The following KIF11 variants were observed in gnomAD, a reference collection of about 807,000 sequenced individuals.
KIF11 encodes the protein kinesin-like protein KIF11.
Under a neutral mutation model 121.0 loss-of-function variants are expected in KIF11, and 9 were observed. That is an observed-to-expected ratio of 0.07 (90% CI 0.04 to 0.13). The LOEUF is 0.13. Among genes scored for constraint, KIF11 ranks in the 10% least tolerant of loss-of-function variants. The pLI, the probability that KIF11 is intolerant of heterozygous loss-of-function variation, is 1.00. For synonymous variants in KIF11, 408 were observed against 421.0 expected (o/e 0.97, Z 0.38); for missense variants, 846 against 1,217.5 (o/e 0.69, Z 4.54).
chr10:92,602,946 C>G (rs1844390021), intron 1 of KIF11, among the ~76,000 whole-genome samples: 1 of 151,516 alleles, frequency 6.6e-6, no homozygotes, highest in African/African-American at 2.4e-5. Flanking sequence ...ACCTCTGCCT[C>G]CCGGTTCAAG....
intron 14 of KIF11, 75 bp from the exon 15 acceptor site, chr10:92,637,109 A>T (rs1844811719): frequency 1.8e-6 from 2 of 1,120,498 alleles, no homozygotes; most frequent in Non-Finnish European, 2.5e-6. Flanking sequence ...CAAAGTATTT[A>T]AGATATCATT....
intron 8 of KIF11, 133 bp from the exon 9 acceptor site, chr10:92,616,604 T>C: frequency 2.0e-6 from 1 of 506,280 alleles, no homozygotes; most frequent in Non-Finnish European, 3.4e-6. Flanking sequence ...CATAGTGGTC[T>C]TAATGACTAG....
intron 16 of KIF11, among the ~76,000 whole-genome samples, chr10:92,638,134 G>A (rs565617388): frequency 6.6e-6 from 1 of 152,042 alleles, no homozygotes; most frequent in Non-Finnish European, 1.5e-5. Flanking sequence ...ACAGCTTCTG[G>A]TATTCTTAAG....
At chr10:92,623,880 T>C (rs1353365647) in intron 10 of KIF11, among the ~76,000 whole-genome samples, 1 of 152,136 alleles carries the variant, frequency 6.6e-6, no homozygotes, top group Non-Finnish European at 1.5e-5. Context: ...AATATGGTGT[T>C]TGCTCTCTTT....
At chr10:92,638,278 C>T (rs1454812170) in intron 16 of KIF11, among the ~76,000 whole-genome samples, 2 of 152,098 alleles carry the variant, frequency 1.3e-5, no homozygotes, top group Non-Finnish European at 2.9e-5. Flanking sequence ...AATTCTATTA[C>T]TAGTCAGATT....
intron 9 of KIF11, among the ~76,000 whole-genome samples, chr10:92,620,165 T>C (rs1406366738): frequency 6.6e-6 from 1 of 151,152 alleles, no homozygotes; most frequent in African/African-American, 2.4e-5. Context: ...ACTGCAAGCT[T>C]CACCTCCTGG....
chr10:92,651,510 T>G (rs866878817), intron 21 of KIF11, among the ~76,000 whole-genome samples: 1 of 36,546 alleles, frequency 2.7e-5, no homozygotes, highest in Non-Finnish European at 4.7e-5. Context: ...TAATTTTGTT[T>G]TTTTTTTTTT....
In KIF11 at chr10:92,616,723, C is replaced by T. The variant is rs772737539; in HGVS notation, c.1033-14C>T. 3 of 1,444,300 alleles carry T rather than the reference C, an allele frequency of 2.1e-6. 1 individual carries two copies. The South Asian group carries it at 3.5e-5, about 17-fold the overall frequency. The allele number at this position is 1,444,300 out of a possible 1,614,324, so 89.5% of individuals were successfully genotyped here. On this transcript the variant is annotated splice_polypyrimidine_tract_variant and intron_variant, in intron 8 of 21. Transcript: ENST00000260731. ...ACAATATCTTCAGTAATTGACCTTT[C>T]CTTTCCATGACAGGAAACTCTGAGT...
At position 92,632,565 on chromosome 10, in the gene KIF11, A is replaced by G; in HGVS notation, c.1574A>G (p.Gln525Arg). 1 of 1,613,764 alleles carries G rather than the reference A, an allele frequency of 6.2e-7. No homozygotes were observed. The highest frequency in any genetic ancestry group is 8.5e-7 in the Non-Finnish European group (1 of 1,179,640). ...SKLDRKKAVD[Q>R]HNAEAQDIFG... is the part of the protein sequence containing the mutation. Reference sequence around the variant, plus strand: ...CTGGATCGTAAGAAGGCAGTTGACCAACACAATGCAGAAGCTCAGGATATT... The same window carrying G: ...CTGGATCGTAAGAAGGCAGTTGACCGACACAATGCAGAAGCTCAGGATATT... The change falls in exon 13 of 22, where the codon CAA becomes CGA. Residue 525 changes from glutamine (Q) to arginine (R), a missense_variant. By Grantham distance (43) the Gln-to-Arg change is conservative (BLOSUM62 1). Transcript: ENST00000260731.
chr10:92,628,256 G>C (rs1004465264), intron 10 of KIF11, among the ~76,000 whole-genome samples: 2 of 152,170 alleles, frequency 1.3e-5, no homozygotes, highest in African/African-American at 2.4e-5. Context: ...TGAGGGTTAT[G>C]CGGTGGGGTG....
In KIF11 at chr10:92,645,628, C is replaced by T; in HGVS notation, c.2533C>T (p.His845Tyr). The T allele has an allele frequency of 1.9e-6, 3 of 1,594,550 alleles. No homozygotes were observed. The highest frequency in any genetic ancestry group is 2.6e-6 in the Non-Finnish European group (3 of 1,170,962). ...CTTAAATGAAAGGGAACAGGAACTT[C>T]ACAACTTATTGGAGGTAATAACTTT... The part of the protein sequence containing the change: ...SSLNEREQEL[H>Y]NLLEVVSQCC... Residue 845 changes from histidine to tyrosine, a missense_variant, in exon 18 of 22, where the codon CAC becomes TAC. This residue lies in a region of KIF11 where 492 missense variants were observed against 603.4 expected (regional missense o/e 0.82). Coordinates refer to ENST00000260731, the MANE Select transcript of KIF11 (RefSeq NM_004523.4).
In KIF11 at chr10:92,633,618, T is replaced by C; in HGVS notation, c.1703-5T>C. 1 of 1,591,878 alleles carries C rather than the reference T, an allele frequency of 6.3e-7. No homozygotes were observed. Among genetic ancestry groups the C allele is most frequent in the East Asian group, 2.2e-5 (1 of 44,632 alleles). On this transcript the variant is annotated splice_polypyrimidine_tract_variant and splice_region_variant and intron_variant, in intron 13 of 21. Transcript: ENST00000260731. ...TTTACATCTTTCTGTTTTTGTTTGTTATAGGTAATCTGCTGTCTTCCAGTG... is the reference window on the plus strand; with the variant it reads ...TTTACATCTTTCTGTTTTTGTTTGTCATAGGTAATCTGCTGTCTTCCAGTG...
In KIF11 at chr10:92,628,905, TA is replaced by T; in HGVS notation, c.1305+14del. ...GGAGGAGCTGAATAGGGTAAGCACT[TA>T]AAATGATATTTACTGTTATGTGAAA... On this transcript the variant is annotated intron_variant, in intron 11 of 21. Transcript: ENST00000260731. The T allele has an allele frequency of 1.5e-6, 2 of 1,376,994 alleles. No individual in the cohort carries two copies. The highest frequency in any genetic ancestry group is 1.2e-5 in the South Asian group (1 of 81,684). The allele number at this position is 1,376,994 out of a possible 1,614,324, so 85.3% of individuals were successfully genotyped here.
At chr10:92,648,183 TAATA>T in intron 18 of KIF11, 25 bp from the exon 19 acceptor site, 1 of 1,385,796 alleles carries the variant, frequency 7.2e-7, no homozygotes, top group South Asian at 1.3e-5. Flanking sequence ...TTAATTTTAG[TAATA>T]AATATTTATT....
rs74151667 is a variant in KIF11 at position 92,630,485 on chromosome 10, A to C, written c.1494+121A>C. 21,109 of 517,522 alleles carry C rather than the reference A, an allele frequency of 0.041. 520 individuals carry two copies. Among genetic ancestry groups the C allele is most frequent in the Admixed American group, 0.067 (1,626 of 24,420 alleles). The allele number at this position is 517,522 out of a possible 1,614,324, so 32.1% of individuals were successfully genotyped here. On this transcript the variant is annotated intron_variant, in intron 12 of 21. Coordinates refer to ENST00000260731, the MANE Select transcript of KIF11 (RefSeq NM_004523.4). ...CAAATGGTATTTCTGTCCATTTAAAAAACATTATTTTACTATTTCATCCAT... is the reference window on the plus strand; with the variant it reads ...CAAATGGTATTTCTGTCCATTTAAACAACATTATTTTACTATTTCATCCAT...
At position 92,606,689 on chromosome 10, in the gene KIF11, T is replaced by G; in HGVS notation, c.281T>G (p.Ile94Ser). Residue 94 changes from isoleucine (I) to serine (S), a missense_variant, in exon 3 of 22, where the codon ATT (isoleucine) becomes AGT (serine). Physicochemically the swap from Ile to Ser is moderately radical, Grantham distance 142. Coordinates refer to ENST00000260731, the MANE Select transcript of KIF11 (RefSeq NM_004523.4). ...GTTTGTCCAATTCTGGATGAAGTTATTATGGGCTATAATTGCACTATCTTT... is the reference window on the plus strand; with the variant it reads ...GTTTGTCCAATTCTGGATGAAGTTAGTATGGGCTATAATTGCACTATCTTT... ...SVVCPILDEV[I>S]MGYNCTIFAY... 5 of 1,558,364 alleles carry G rather than the reference T, an allele frequency of 3.2e-6. No individual in the cohort carries two copies. The East Asian group carries it at 1.1e-4, about 35-fold the overall frequency.
intron 1 of KIF11, among the ~76,000 whole-genome samples, chr10:92,595,145 C>T (rs577485871): frequency 1.2e-4 from 18 of 152,332 alleles, no homozygotes; most frequent in Non-Finnish European, 2.2e-4. Flanking sequence ...CTGCAACCTC[C>T]GCCTCCCGGA....
chr10:92,593,884 ATC>A (rs1429377537), intron 1 of KIF11, among the ~76,000 whole-genome samples: 1 of 152,236 alleles, frequency 6.6e-6, no homozygotes, highest in East Asian at 1.9e-4. Flanking sequence ...ACAAGTAAAC[ATC>A]TCTGTCTTTA....
chr10:92,651,434 C>T (rs1220803763), intron 21 of KIF11, among the ~76,000 whole-genome samples: 1 of 145,698 alleles, frequency 6.9e-6, no homozygotes, highest in Non-Finnish European at 1.5e-5. Context: ...CTCCTGGGTT[C>T]AAGTGATTCT....
Sources: allele counts gnomAD v4.1 joint callset (sites outside exome capture counted in the v4.1 genomes callset), GRCh38; gene constraint gnomAD v4.1.1; regional missense constraint gnomAD v4.1.1; transcripts MANE v1.5; gene names NCBI Gene and HGNC (gene_info 2026-07-23, HGNC 2026-07-21).